Variants in FBP2 observed in about 807,000 individuals in gnomAD.
The protein encoded by FBP2 is fructose-bisphosphatase 2.
Under a neutral mutation model 31.6 loss-of-function variants are expected in FBP2, and 27 were observed. The observed-to-expected ratio is 0.85, with a 90% CI of 0.63 to 1.18. The LOEUF (loss-of-function observed/expected upper bound fraction) is 1.18. Ranked by LOEUF, FBP2 falls within the 50% of genes most tolerant of loss-of-function variation. FBP2 has a pLI of 0.00. For missense variants in FBP2, 421 were observed against 436.1 expected (o/e 0.97, Z 0.31); for synonymous variants, 168 against 179.8 (o/e 0.93, Z 0.53).
chr9:94,569,537 G>A (rs78469661), intron 4 of FBP2: 1 of 152,272 alleles, frequency 6.6e-6, no homozygotes, highest in Non-Finnish European at 1.5e-5. Context: ...CCACTCCTGG[G>A]GCTGGGGCCG....
At chr9:94,586,133 T>C (rs930948382) in intron 2 of FBP2, among the ~76,000 whole-genome samples, 1 of 152,128 alleles carries the variant, frequency 6.6e-6, no homozygotes, top group African/African-American at 2.4e-5. Flanking sequence ...CCCAGCACTT[T>C]GGGAGCCTGA....
intron 3 of FBP2, among the ~76,000 whole-genome samples, chr9:94,579,848 T>C (rs1005180682): frequency 6.6e-5 from 10 of 152,236 alleles, no homozygotes; most frequent in African/African-American, 2.4e-4. Context: ...AATTTTATTA[T>C]TATGGCCTGG....
chr9:94,561,294 C>CA (rs1487786821), intron 6 of FBP2, among the ~76,000 whole-genome samples: 3 of 149,810 alleles, frequency 2.0e-5, no homozygotes, highest in East Asian at 3.9e-4. Flanking sequence ...AATTTAATAT[C>CA]AAAATGCCCA....
At chr9:94,572,370 A>T (rs1446806401) in intron 3 of FBP2, among the ~76,000 whole-genome samples, 5 of 152,180 alleles carry the variant, frequency 3.3e-5, no homozygotes, top group Non-Finnish European at 1.5e-5. Context: ...ATAGATTCAT[A>T]GATTAGTGAT....
rs541509845 is a variant in FBP2 at position 94,559,128 on chromosome 9, C to T, written c.830G>A (p.Arg277Gln). The T allele has an allele frequency of 1.6e-4, 251 of 1,609,680 alleles. 2 individuals carry two copies. The East Asian group carries it at 3.0e-3, about 19-fold the overall frequency. ...CACGGGATTGCATTCATACAGGAGC[C>T]GGAGCTGTGGAGGAACAGAGGCAGG... ...ANQKSPKGKL[R>Q]LLYECNPVAY... Residue 277 changes from arginine to glutamine, a missense_variant, in exon 7 of 7, where the codon CGG (arginine) becomes CAG (glutamine). By Grantham distance (43) the Arg-to-Gln change is conservative (BLOSUM62 1). Transcript: ENST00000375337.
chr9:94,579,039 A>T (rs1215283731), intron 3 of FBP2, among the ~76,000 whole-genome samples: 74 of 99,194 alleles, frequency 7.5e-4, no homozygotes, highest in Middle Eastern at 7.7e-3. Flanking sequence ...GGCAACAGAG[A>T]GAGACTCTGT....
At chr9:94,579,066 A>AAAAAAAG (rs1827347233) in intron 3 of FBP2, among the ~76,000 whole-genome samples, 1 of 144,112 alleles carries the variant, frequency 6.9e-6, no homozygotes, top group Non-Finnish European at 1.5e-5. Context: ...AAAAAAAAAA[A>AAAAAAAG]AAAGGTTATT....
intron 2 of FBP2, chr9:94,586,761 A>C (rs547444846): frequency 6.6e-6 from 1 of 152,644 alleles, no homozygotes; most frequent in African/African-American, 2.4e-5. Context: ...CTGTGTGTGA[A>C]CCCATAGTGA....
chr9:94,570,407 A>G (rs1054153189), intron 4 of FBP2: 6 of 152,184 alleles, frequency 3.9e-5, no homozygotes, highest in Admixed American at 3.9e-4. Context: ...CACTTTCCCC[A>G]TCTGAAAATG....
intron 5 of FBP2, among the ~76,000 whole-genome samples, chr9:94,564,658 G>C (rs10821369): frequency 2.0e-5 from 3 of 151,772 alleles, no homozygotes; most frequent in Non-Finnish European, 4.4e-5. Context: ...TGGGGCCTAC[G>C]TGAGGGTGGA....
At chr9:94,560,151 G>T (rs1827075468) in intron 6 of FBP2, among the ~76,000 whole-genome samples, 1 of 152,160 alleles carries the variant, frequency 6.6e-6, no homozygotes, top group Non-Finnish European at 1.5e-5. Context: ...TCCAAGCAAG[G>T]CCACTGTTTC....
intron 1 of FBP2, among the ~76,000 whole-genome samples, chr9:94,592,773 T>C (rs1007967890): frequency 4.6e-5 from 7 of 152,192 alleles, no homozygotes; most frequent in African/African-American, 1.7e-4. Flanking sequence ...GACCTCATGA[T>C]CCACCCACCT....
intron 6 of FBP2, among the ~76,000 whole-genome samples, chr9:94,559,795 T>C (rs1248593644): frequency 6.6e-6 from 1 of 152,200 alleles, no homozygotes; most frequent in East Asian, 1.9e-4. Flanking sequence ...TCTAGGCTGC[T>C]GTCCATCCTA....
chr9:94,560,722 TATA>T (rs1343105574), intron 6 of FBP2, among the ~76,000 whole-genome samples: 1 of 147,964 alleles, frequency 6.8e-6, no homozygotes, highest in Non-Finnish European at 1.5e-5. Flanking sequence ...TTATATATTA[TATA>T]ATATATATTT....
intron 4 of FBP2, chr9:94,570,270 G>C (rs911324203): frequency 2.0e-5 from 3 of 152,194 alleles, no homozygotes; most frequent in Admixed American, 2.0e-4. Flanking sequence ...TATTTTGCTT[G>C]TACTCAAGAG....
intron 5 of FBP2, among the ~76,000 whole-genome samples, chr9:94,565,515 A>G (rs1442192709): frequency 6.6e-6 from 1 of 152,174 alleles, no homozygotes; most frequent in Admixed American, 6.6e-5. Flanking sequence ...TGGGGAAAAC[A>G]TTAAGTCATA....
At chr9:94,571,829 C>T (rs539671134) in intron 3 of FBP2, among the ~76,000 whole-genome samples, 6 of 152,200 alleles carry the variant, frequency 3.9e-5, no homozygotes, top group African/African-American at 4.8e-5. Flanking sequence ...GTTTTCCAAA[C>T]GCATGTGTCT....
chr9:94,576,734 G>A (rs1003323239), intron 3 of FBP2: 14 of 152,340 alleles, frequency 9.2e-5, no homozygotes, highest in African/African-American at 3.4e-4. Flanking sequence ...TGAGTTAGTC[G>A]GAGTGCATTT....
At position 94,571,656 on chromosome 9, in the gene FBP2, C is replaced by G. The variant is rs1564183531; in HGVS notation, c.427-54G>C. On this transcript the variant is annotated intron_variant, in intron 3 of 6. Transcript: ENST00000375337. ...GTTATTGTTGTCTCTGGAGAGAACA[C>G]TTTGCCAGGGGCCTGGGCTTCAGAT... 6 of 1,504,186 alleles carry G rather than the reference C, an allele frequency of 4.0e-6. No individual in the cohort carries two copies. The East Asian group carries it at 1.2e-4, about 29-fold the overall frequency. 93.2% of individuals were successfully genotyped at this position (1,504,186 alleles called of 1,614,324 possible).
Sources: gnomAD v4.1 joint callset for allele counts (sites outside exome capture counted in the v4.1 genomes callset) on GRCh38, gnomAD v4.1.1 for gene constraint, MANE v1.5 for transcripts, NCBI Gene and HGNC (gene_info 2026-07-23, HGNC 2026-07-21) for gene names.